The following CCSER1 variants were observed in gnomAD, a reference collection of about 807,000 sequenced individuals.
CCSER1 encodes coiled-coil serine rich protein 1.
CCSER1 carries 41 observed loss-of-function variants against 82.0 expected under a neutral mutation model. That is an observed-to-expected ratio of 0.50 (90% confidence interval 0.39 to 0.65). CCSER1 has a LOEUF of 0.65. Among genes scored for constraint, CCSER1 ranks in the 30% least tolerant of loss-of-function variants. The pLI, the probability that CCSER1 is intolerant of heterozygous loss-of-function variation, is 0.00. For missense variants in CCSER1, 1,119 were observed against 1,064.2 expected, an observed-to-expected ratio of 1.05 and a Z score of -0.72; for synonymous variants, 414 against 383.9, an observed-to-expected ratio of 1.08 and a Z score of -0.92.
intron 4 of CCSER1, among the ~76,000 whole-genome samples, chr4:90,461,191 A>G (rs1243057850): frequency 3.8e-5 from 5 of 133,206 alleles, no homozygotes; most frequent in Admixed American, 7.2e-5. Context: ...TCAGCCTCCC[A>G]AGTAGCTGGG....
chr4:90,958,481 T>C (rs1451361104), intron 9 of CCSER1, among the ~76,000 whole-genome samples: 2 of 151,160 alleles, frequency 1.3e-5, no homozygotes, highest in Non-Finnish European at 2.9e-5. Context: ...TTGCTTGAGT[T>C]TATGGTAAAA....
intron 5 of CCSER1, among the ~76,000 whole-genome samples, chr4:90,577,715 T>C (rs1022312264): frequency 1.3e-5 from 2 of 152,182 alleles, no homozygotes; most frequent in African/African-American, 2.4e-5. Context: ...TTTTGTATCA[T>C]ATTTTTAAGA....
At chr4:90,881,137 ACAT>A (rs1721253784) in intron 8 of CCSER1, among the ~76,000 whole-genome samples, 1 of 152,182 alleles carries the variant, frequency 6.6e-6, no homozygotes, top group Admixed American at 6.5e-5. Flanking sequence ...GAAAAAGAAA[ACAT>A]CATGTTTCTT....
chr4:91,231,341 A>G (rs1486381693), intron 10 of CCSER1, among the ~76,000 whole-genome samples: 1 of 150,214 alleles, frequency 6.7e-6, no homozygotes, highest in Non-Finnish European at 1.5e-5. Context: ...GGGAAAATTA[A>G]AAGATAAAAA....
At chr4:91,305,839 G>A (rs1268025637) in intron 10 of CCSER1, among the ~76,000 whole-genome samples, 2 of 151,944 alleles carry the variant, frequency 1.3e-5, no homozygotes, top group African/African-American at 4.8e-5. Flanking sequence ...CTCTTACACG[G>A]CAGCAGGCAG....
chr4:90,710,667 C>T (rs1217663139), intron 6 of CCSER1, among the ~76,000 whole-genome samples: 1 of 152,054 alleles, frequency 6.6e-6, no homozygotes, highest in Non-Finnish European at 1.5e-5. Flanking sequence ...TTTGAGTTCT[C>T]TCTTCTGCTT....
intron 5 of CCSER1, among the ~76,000 whole-genome samples, chr4:90,488,452 T>C (rs999489640): frequency 6.6e-6 from 1 of 152,148 alleles, no homozygotes; most frequent in African/African-American, 2.4e-5. Flanking sequence ...CCTCCCAAAG[T>C]GCTGAGATTA....
intron 10 of CCSER1, among the ~76,000 whole-genome samples, chr4:91,087,488 A>G (rs553095953): frequency 6.6e-6 from 1 of 152,186 alleles, no homozygotes; most frequent in South Asian, 2.1e-4. Context: ...TTTTATTATA[A>G]GTGTACTTAT....
intron 10 of CCSER1, among the ~76,000 whole-genome samples, chr4:91,125,983 A>G (rs954447583): frequency 6.6e-5 from 10 of 151,748 alleles, no homozygotes; most frequent in African/African-American, 2.4e-4. Context: ...TTATGTAGCA[A>G]ATATACTGAA....
intron 1 of CCSER1, among the ~76,000 whole-genome samples, chr4:90,153,927 G>T (rs1380679078): frequency 1.3e-5 from 2 of 152,120 alleles, no homozygotes; most frequent in East Asian, 3.9e-4. Context: ...ATTGCTTTTG[G>T]TGTTTTAGAC....
intron 4 of CCSER1, among the ~76,000 whole-genome samples, chr4:90,452,474 C>T (rs561698820): frequency 6.6e-6 from 1 of 152,310 alleles, no homozygotes; most frequent in African/African-American, 2.4e-5. Context: ...AACTTAATAC[C>T]TCTGGTTGCA....
intron 6 of CCSER1, among the ~76,000 whole-genome samples, chr4:90,665,199 G>A (rs1167461954): frequency 1.3e-5 from 2 of 152,032 alleles, no homozygotes; most frequent in Non-Finnish European, 2.9e-5. Context: ...GAAGAGCAGG[G>A]AAGAAAAACA....
chr4:90,752,265 T>G (rs1748781637), intron 7 of CCSER1, among the ~76,000 whole-genome samples: 1 of 152,132 alleles, frequency 6.6e-6, no homozygotes, highest in Admixed American at 6.6e-5. Context: ...ATTTCAAAAC[T>G]CATGCCTGTA....
intron 10 of CCSER1, among the ~76,000 whole-genome samples, chr4:91,367,644 C>T (rs1749728538): frequency 6.6e-6 from 1 of 152,064 alleles, no homozygotes; most frequent in East Asian, 1.9e-4. Context: ...AACATCATGT[C>T]CACTCTCTAC....
chr4:90,917,948 C>A (rs967667975), intron 8 of CCSER1, among the ~76,000 whole-genome samples: 2 of 151,960 alleles, frequency 1.3e-5, no homozygotes, highest in African/African-American at 4.8e-5. Flanking sequence ...CCTTTAGATT[C>A]ATGACTTAGG....
chr4:90,977,655 C>T (rs1410096523), intron 9 of CCSER1, among the ~76,000 whole-genome samples: 1 of 151,578 alleles, frequency 6.6e-6, no homozygotes, highest in African/African-American at 2.4e-5. Context: ...GAAGCATCTT[C>T]ATTTTGCTTT....
At chr4:90,519,282 TGAA>T (rs1437291888) in intron 5 of CCSER1, among the ~76,000 whole-genome samples, 1 of 151,842 alleles carries the variant, frequency 6.6e-6, no homozygotes, top group Non-Finnish European at 1.5e-5. Context: ...CTTACAGTAA[TGAA>T]GAATGAGAAA....
intron 5 of CCSER1, among the ~76,000 whole-genome samples, chr4:90,505,340 A>G (rs1308048062): frequency 6.6e-6 from 1 of 152,210 alleles, no homozygotes; most frequent in Non-Finnish European, 1.5e-5. Flanking sequence ...CCATCTGTCC[A>G]AAATAAAGAA....
intron 10 of CCSER1, among the ~76,000 whole-genome samples, chr4:91,563,258 G>A (rs990728543): frequency 3.3e-5 from 5 of 151,646 alleles, no homozygotes; most frequent in Admixed American, 2.6e-4. Context: ...TGATAAAATA[G>A]ATGCAAGTAT....
Sources: allele counts gnomAD v4.1 joint callset (sites outside exome capture counted in the v4.1 genomes callset), GRCh38; gene constraint gnomAD v4.1.1; transcripts MANE v1.5; gene names NCBI Gene and HGNC (gene_info 2026-07-23, HGNC 2026-07-21).